MTMR3: variants seen among roughly 807,000 people sequenced by gnomAD.
MTMR3 encodes the protein phosphatidylinositol-3,5-bisphosphate 3-phosphatase MTMR3.
A neutral mutation model predicts 132.4 loss-of-function variants in MTMR3; 32 were observed. The ratio of observed to expected loss-of-function variants is 0.24; its 90% CI spans 0.18 to 0.32. The LOEUF (loss-of-function observed/expected upper bound fraction) is 0.32, where lower values mean the gene tolerates loss of function less well. MTMR3 is among the 10% of genes least tolerant of loss of function. The pLI is 1.00. For missense variants in MTMR3, 1,216 were observed against 1,489.6 expected (o/e 0.82, Z 3.02); for synonymous variants, 556 against 550.3 (o/e 1.01, Z -0.14).
intron 1 of MTMR3, among the ~76,000 whole-genome samples, chr22:29,893,031 G>A (rs1426695756): frequency 6.6e-6 from 1 of 152,116 alleles, no homozygotes; most frequent in African/African-American, 2.4e-5. Flanking sequence ...GCAGAAATAG[G>A]GACTGGTGGC....
chr22:29,994,104 G>A (rs1320528183), intron 7 of MTMR3: 15 of 985,210 alleles, frequency 1.5e-5, no homozygotes, highest in Non-Finnish European at 1.8e-5. Flanking sequence ...GTTCAATTCA[G>A]TAAATGTTTA....
intron 1 of MTMR3, among the ~76,000 whole-genome samples, chr22:29,910,415 A>G (rs1267734215): frequency 2.0e-5 from 3 of 152,316 alleles, no homozygotes; most frequent in East Asian, 1.9e-4. Flanking sequence ...CAGTTGTTTC[A>G]GAGTGATTAC....
intron 1 of MTMR3, among the ~76,000 whole-genome samples, chr22:29,909,908 C>T (rs2065175015): frequency 6.7e-6 from 1 of 149,930 alleles, no homozygotes; most frequent in Non-Finnish European, 1.5e-5. Flanking sequence ...GTAATCCCAG[C>T]ACTTTGGGAG....
intron 16 of MTMR3, 96 bp from the exon 17 acceptor site, chr22:30,019,384 C>A (rs1482373702): frequency 1.7e-6 from 2 of 1,160,500 alleles, no homozygotes; most frequent in East Asian, 5.0e-5. Context: ...CATAATGGAC[C>A]CAGTTATGAA....
intron 6 of MTMR3, chr22:29,990,001 T>TTGA (rs2066929636): frequency 6.6e-6 from 1 of 151,704 alleles, no homozygotes; most frequent in African/African-American, 2.4e-5. Flanking sequence ...CAGGCCGAGG[T>TTGA]GGGGGTGGAT....
At chr22:29,938,785 A>G (rs2065799472) in intron 1 of MTMR3, among the ~76,000 whole-genome samples, 2 of 152,046 alleles carry the variant, frequency 1.3e-5, no homozygotes, top group South Asian at 4.2e-4. Flanking sequence ...CCTCTTCAAG[A>G]GGTGATTTAG....
intron 7 of MTMR3, chr22:29,995,178 A>G (rs1340238565): frequency 2.0e-5 from 3 of 152,290 alleles, no homozygotes; most frequent in Non-Finnish European, 2.9e-5. Flanking sequence ...GGGTCTTAAC[A>G]CTGCTGTGAA....
At chr22:29,985,819 GA>G (rs1258263808) in intron 5 of MTMR3, 5 of 152,002 alleles carry the variant, frequency 3.3e-5, no homozygotes, top group Non-Finnish European at 7.4e-5. Flanking sequence ...TTAAAATATA[GA>G]AAAAAATATG....
chr22:29,991,713 A>G (rs1446281725), intron 7 of MTMR3, 43 bp downstream of exon 7: 5 of 1,514,256 alleles, frequency 3.3e-6, no homozygotes, highest in African/African-American at 1.4e-5. Flanking sequence ...GGCTTTATCA[A>G]GCTACTGATG....
chr22:29,945,769 G>C (rs549314127), intron 1 of MTMR3, among the ~76,000 whole-genome samples: 2 of 151,642 alleles, frequency 1.3e-5, no homozygotes, highest in South Asian at 4.2e-4. Flanking sequence ...CATGGGCCTT[G>C]TCCAGATGGA....
At chr22:29,962,391 G>T (rs1431277694) in intron 2 of MTMR3, among the ~76,000 whole-genome samples, 1 of 152,168 alleles carries the variant, frequency 6.6e-6, no homozygotes, top group Non-Finnish European at 1.5e-5. Context: ...TTCAGGCCAG[G>T]TGTGGTGGCT....
chr22:29,939,823 G>T (rs1008095495), intron 1 of MTMR3, among the ~76,000 whole-genome samples: 1 of 152,124 alleles, frequency 6.6e-6, no homozygotes, highest in Admixed American at 6.5e-5. Context: ...TATCTCCTGT[G>T]ACCTGCCCGT....
At chr22:29,957,815 A>G (rs1602564773) in intron 2 of MTMR3, among the ~76,000 whole-genome samples, 1 of 152,304 alleles carries the variant, frequency 6.6e-6, no homozygotes, top group East Asian at 1.9e-4. Flanking sequence ...TCAGTTATCC[A>G]AGGTCCAAAA....
intron 2 of MTMR3, among the ~76,000 whole-genome samples, chr22:29,962,734 A>C (rs183733544): frequency 1.9e-3 from 284 of 152,170 alleles, no homozygotes; most frequent in Non-Finnish European, 3.3e-3. Context: ...GGTCTTTCCC[A>C]GCTCCTGGCA....
At chr22:29,917,685 A>G (rs748838204) in intron 1 of MTMR3, among the ~76,000 whole-genome samples, 1 of 152,260 alleles carries the variant, frequency 6.6e-6, no homozygotes, top group Non-Finnish European at 1.5e-5. Flanking sequence ...CCAAAGGAAT[A>G]GTGCCAGTAT....
chr22:29,893,306 A>C (rs1156825047), intron 1 of MTMR3, among the ~76,000 whole-genome samples: 2 of 152,048 alleles, frequency 1.3e-5, no homozygotes, highest in African/African-American at 4.8e-5. Flanking sequence ...TCATGGTGAC[A>C]AAAAAAATAC....
chr22:29,971,082 A>T lies in MTMR3; in HGVS notation c.3+20A>T. 1 of 1,584,068 alleles carries T rather than the reference A, an allele frequency of 6.3e-7. No homozygotes were observed. Among genetic ancestry groups the T allele is most frequent in the Non-Finnish European group, 8.6e-7 (1 of 1,168,922 alleles). ...GTCATGGTAAGTACAAGGAAATAAG[A>T]GTAAAAAAAAAAACAAAAAACCCTG... On this transcript the variant is annotated intron_variant, in intron 3 of 19. Coordinates refer to ENST00000401950, the MANE Select transcript of MTMR3 (RefSeq NM_021090.4).
At chr22:29,955,077 C>A (rs2066161891) in intron 1 of MTMR3, among the ~76,000 whole-genome samples, 2 of 152,124 alleles carry the variant, frequency 1.3e-5, no homozygotes, top group African/African-American at 4.8e-5. Flanking sequence ...GCAGCCTTGA[C>A]CTCCCGGGCC....
intron 7 of MTMR3, chr22:29,993,675 T>C (rs1056711677): frequency 6.6e-6 from 1 of 152,210 alleles, no homozygotes; most frequent in Non-Finnish European, 1.5e-5. Flanking sequence ...CCTTGATAAT[T>C]TGAGTTTCTT....
Sources: allele counts gnomAD v4.1 joint callset (sites outside exome capture counted in the v4.1 genomes callset), GRCh38; gene constraint gnomAD v4.1.1; transcripts MANE v1.5; gene names NCBI Gene and HGNC (gene_info 2026-07-23, HGNC 2026-07-21).